The following PIK3R6 variants were observed in gnomAD, a reference collection of about 807,000 sequenced individuals.
The protein encoded by PIK3R6 is phosphoinositide-3-kinase regulatory subunit 6, also known as phosphoinositide 3-kinase regulatory subunit 6.
Under a neutral mutation model 84.9 loss-of-function variants are expected in PIK3R6, and 91 were observed. The ratio of observed to expected loss-of-function variants is 1.07; its 90% CI spans 0.90 to 1.28. PIK3R6 has a LOEUF of 1.28. PIK3R6 is among the 50% of genes most tolerant of loss of function. The pLI, the probability that PIK3R6 is intolerant of heterozygous loss-of-function variation, is 0.00. For synonymous variants in PIK3R6, 416 were observed against 411.4 expected (o/e 1.01, Z -0.13); for missense variants, 996 against 985.1 (o/e 1.01, Z -0.15).
intron 1 of PIK3R6, among the ~76,000 whole-genome samples, chr17:8,855,425 A>G (rs1027969369): frequency 1.3e-5 from 2 of 152,202 alleles, no homozygotes; most frequent in African/African-American, 4.8e-5. Context: ...CTTTACTAAA[A>G]AAGATATGTG....
rs900861499 is a variant in PIK3R6 at position 8,814,246 on chromosome 17, G to A, written c.1995+4837C>T. Among the ~76,000 whole-genome samples the A allele has an allele frequency of 3.0e-5, 3 of 100,074 alleles. No homozygotes were observed. The Admixed American group carries it at 3.7e-4, about 12-fold the overall frequency. The allele number at this position is 100,074 out of a possible 152,430, so 65.7% of individuals were successfully genotyped here. The stretch of plus-strand genomic sequence containing the variant: ...TTTTTTTTTTTTTTTTTGAGACAGA[G>A]TCTTACCCTGTTGCCCAGGCTGGTG... On this transcript the variant is annotated intron_variant, in intron 18 of 19. Transcript: ENST00000619866.
chr17:8,835,223 T>C (rs763465916), intron 8 of PIK3R6, 50 bp downstream of exon 8: 3 of 1,420,084 alleles, frequency 2.1e-6, no homozygotes, highest in Non-Finnish European at 2.8e-6. Context: ...GGTATGGGCA[T>C]GCAGGGACGA....
At chr17:8,826,566 G>A (rs2087924664) in intron 13 of PIK3R6, among the ~76,000 whole-genome samples, 1 of 152,076 alleles carries the variant, frequency 6.6e-6, no homozygotes, top group Non-Finnish European at 1.5e-5. Flanking sequence ...TCGTAAGTGG[G>A]AGCTGAACAA....
intron 1 of PIK3R6, among the ~76,000 whole-genome samples, chr17:8,854,346 A>T (rs2089068147): frequency 6.6e-6 from 1 of 152,116 alleles, no homozygotes; most frequent in East Asian, 1.9e-4. Context: ...ACAGGGTTTC[A>T]CTATGTTGGC....
chr17:8,818,147 A>C (rs990261489), intron 18 of PIK3R6, among the ~76,000 whole-genome samples: 2 of 152,228 alleles, frequency 1.3e-5, no homozygotes, highest in African/African-American at 4.8e-5. Context: ...GGGTTATTCC[A>C]GAAGCACTTG....
intron 17 of PIK3R6, among the ~76,000 whole-genome samples, chr17:8,819,890 G>A (rs941248712): frequency 2.8e-5 from 4 of 141,008 alleles, no homozygotes; most frequent in Non-Finnish European, 3.0e-5. Flanking sequence ...ACACACACAC[G>A]TATATATGTG....
rs754159026 is a variant in PIK3R6, at chr17:8,829,355, GAC to G, written c.889+349_889+350del. ...CCATGCAAGCACACACAGACACACT[GAC>G]ACACACACATGCATGGATACACACA... is the stretch of plus-strand genomic sequence containing the variant. On this transcript the variant is annotated intron_variant, in intron 10 of 19. Coordinates refer to ENST00000619866, the MANE Select transcript of PIK3R6 (RefSeq NM_001010855.4). 6.4e-4 allele frequency among the ~76,000 whole-genome samples: 83 copies of G among 128,916 alleles called. 1 individual carries two copies. Among genetic ancestry groups the G allele is most frequent in the Admixed American group, 1.4e-3 (19 of 13,106 alleles). The allele number at this position is 128,916 out of a possible 152,430, so 84.6% of individuals were successfully genotyped here.
intron 18 of PIK3R6, among the ~76,000 whole-genome samples, chr17:8,815,243 C>A (rs1205299027): frequency 6.6e-6 from 1 of 152,154 alleles, no homozygotes; most frequent in Non-Finnish European, 1.5e-5. Flanking sequence ...GTTGATCATT[C>A]ACTCCTGTAA....
chr17:8,862,785 A>G lies in PIK3R6; in HGVS notation c.-92+4744T>C, dbSNP rs2089313427. Among the ~76,000 whole-genome samples the G allele has an allele frequency of 2.6e-5, 4 of 152,160 alleles. No homozygotes were observed. In the South Asian group the frequency reaches 8.3e-4, roughly 32 times the overall value. On this transcript the variant is annotated intron_variant, in intron 1 of 19. Transcript: ENST00000619866. This position sits in a 1 kb window ranked among gnomAD's most constrained non-coding sequence, Gnocchi z 4.3. The stretch of plus-strand genomic sequence containing the variant: ...GACAGCAATACACCATCCTCCGCCC[A>G]CAGTCAGCAAGACTCCTGGCAGCCA...
chr17:8,821,916 G>T lies in PIK3R6; in HGVS notation c.1809C>A (p.Pro603=). The T allele has an allele frequency of 6.3e-7, 1 of 1,587,886 alleles. No homozygotes were observed. Among genetic ancestry groups the T allele is most frequent in the East Asian group, 2.3e-5 (1 of 43,676 alleles). Residue 603 remains proline, a synonymous_variant, in exon 17 of 20, where the codon CCC becomes CCA. Coordinates refer to ENST00000619866, the MANE Select transcript of PIK3R6 (RefSeq NM_001010855.4). ...CCCGCAGGGAAACGGTGACCTCTCG[G>T]GGCCGGTGGCTAAGCAAGGCCTGAG... ...CYQKALLSHR[P]REVTVSLRAT...
Position 8,828,853 on chromosome 17 carries a change from C to A in PIK3R6, c.1027G>T (p.Glu343Ter), listed in dbSNP as rs1328198662. 5 of 1,596,302 alleles carry A rather than the reference C, an allele frequency of 3.1e-6. No homozygotes were observed. The highest frequency in any genetic ancestry group is 2.6e-6 in the Non-Finnish European group (3 of 1,171,026). ...TCAGCCCCCGTGGGAAGGTCCCGCT[C>A]AATGCCGCTGTCAGTGGACAGCACA... Reference protein sequence around the residue: ...VSVLSTDSGIERDLPTGADEL... With the variant: ...VSVLSTDSGI The change falls in exon 11 of 20, where the codon GAG becomes TAG. Residue 343 changes from glutamate (E) to a stop codon, truncating the protein, a stop_gained. Coordinates refer to ENST00000619866, the MANE Select transcript of PIK3R6 (RefSeq NM_001010855.4). LOFTEE classifies it high-confidence loss of function.
chr17:8,836,620 C>T lies in PIK3R6; in HGVS notation c.392-4G>A. On this transcript the variant is annotated splice_polypyrimidine_tract_variant and splice_region_variant and intron_variant, in intron 6 of 19. Coordinates refer to ENST00000619866, the MANE Select transcript of PIK3R6 (RefSeq NM_001010855.4). ...ACCATCCTTTGGTACAGTGTCCCTG[C>T]AAACCAGACCACTTTGGCCAAACAG... 6.2e-7 allele frequency: 1 copy of T among 1,613,972 alleles called. No individual in the cohort carries two copies. The highest frequency in any genetic ancestry group is 8.5e-7 in the Non-Finnish European group (1 of 1,179,904).
chr17:8,830,313 G>C (rs1350710558), intron 9 of PIK3R6, among the ~76,000 whole-genome samples: 1 of 152,240 alleles, frequency 6.6e-6, no homozygotes, highest in Non-Finnish European at 1.5e-5. Flanking sequence ...CAGTCCAGGG[G>C]AGAGACAAAG....
intron 12 of PIK3R6, 98 bp downstream of exon 12, chr17:8,828,014 C>A: frequency 7.8e-7 from 1 of 1,282,726 alleles, no homozygotes; most frequent in Non-Finnish European, 1.1e-6. Context: ...TTACTCTAGT[C>A]CCTGAGCCGG....
At position 8,824,157 on chromosome 17, in the gene PIK3R6, T is replaced by C. The variant is rs147289909; in HGVS notation, c.1516-660A>G. Reference sequence around the variant, plus strand: ...GGTGGCACATTCCTGTAATCCCAGCTACTCAGGAGGCTAAGGCAGGAGAAT... The same window carrying C: ...GGTGGCACATTCCTGTAATCCCAGCCACTCAGGAGGCTAAGGCAGGAGAAT... On this transcript the variant is annotated intron_variant, in intron 13 of 19. Coordinates refer to ENST00000619866, the MANE Select transcript of PIK3R6 (RefSeq NM_001010855.4). 4.2e-3 allele frequency among the ~76,000 whole-genome samples: 637 copies of C among 152,284 alleles called. 4 individuals are homozygous for C. Among genetic ancestry groups the C allele is most frequent in the African/African-American group, 0.015 (606 of 41,550 alleles).
At chr17:8,824,200 C>T (rs183624521) in intron 13 of PIK3R6, among the ~76,000 whole-genome samples, 38 of 152,298 alleles carry the variant, frequency 2.5e-4, no homozygotes, top group South Asian at 8.3e-4. Flanking sequence ...ATCCAGGAGG[C>T]GGAGGTTGCA....
chr17:8,805,122 G>A (rs1190662816), intron 18 of PIK3R6, among the ~76,000 whole-genome samples: 1 of 152,174 alleles, frequency 6.6e-6, no homozygotes, highest in African/African-American at 2.4e-5. Context: ...TCTGTGGACA[G>A]GCCATGGAGG....
chr17:8,827,151 G>A (rs375422018), intron 13 of PIK3R6, 21 bp downstream of exon 13: 11 of 1,610,818 alleles, frequency 6.8e-6, no homozygotes, highest in Admixed American at 1.7e-5. Context: ...CTCCCTCCCT[G>A]GTACCCTCAC....
At chr17:8,861,574 G>A (rs150904122) in intron 1 of PIK3R6, among the ~76,000 whole-genome samples, 1 of 152,328 alleles carries the variant, frequency 6.6e-6, no homozygotes, top group Non-Finnish European at 1.5e-5. Flanking sequence ...CCCGGAATGT[G>A]AAGCGTCCCT....
Sources: allele counts gnomAD v4.1 joint callset (sites outside exome capture counted in the v4.1 genomes callset), GRCh38; gene constraint gnomAD v4.1.1; non-coding constraint Gnocchi (gnomAD v3.1); transcripts MANE v1.5; gene names NCBI Gene and HGNC (gene_info 2026-07-23, HGNC 2026-07-21).